SLMAP: variants seen among roughly 807,000 people sequenced by gnomAD.
SLMAP encodes the protein sarcolemmal membrane-associated protein.
SLMAP carries 44 observed loss-of-function variants against 128.8 expected under a neutral mutation model. That is an observed-to-expected ratio of 0.34 (90% CI 0.27 to 0.44). The LOEUF (loss-of-function observed/expected upper bound fraction) is 0.44. Among genes scored for constraint, SLMAP ranks in the 20% least tolerant of loss-of-function variants. The probability of loss-of-function intolerance (pLI) is 1.00; values close to 1 mark genes in which losing one functional copy is unlikely to be tolerated. For missense variants in SLMAP, 787 were observed against 985.3 expected (o/e 0.80, Z 2.69); for synonymous variants, 327 against 348.8 (o/e 0.94, Z 0.70).
At position 57,916,975 on chromosome 3, in the gene SLMAP, G is replaced by T; in HGVS notation, c.2208G>T (p.Glu736Asp). The change falls in exon 22 of 25, where the codon GAG (glutamate) becomes GAT (aspartate). Residue 736 changes from glutamate to aspartate, a missense_variant. Glu to Asp is a conservative substitution (Grantham distance 45, BLOSUM62 2). This residue lies in a region of SLMAP where 715 missense variants were observed against 843.6 expected (regional missense o/e 0.85). Transcript: ENST00000671191. ...SILQMSRKELENQVGSLKEQH... is the reference protein window; with the variant it reads ...SILQMSRKELDNQVGSLKEQH... ...TTCAAATGTCTAGGAAAGAACTTGA[G>T]AATCAAGTGGGATCCTTGAAAGAAC... is the stretch of plus-strand genomic sequence containing the variant. 1 of 1,613,678 alleles carries T rather than the reference G, an allele frequency of 6.2e-7. No individual in the cohort carries two copies. The highest frequency in any genetic ancestry group is 1.1e-5 in the South Asian group (1 of 91,080).
At position 57,928,925 on chromosome 3, in the gene SLMAP, C is replaced by T; in HGVS notation, c.*1636C>T. 6.6e-6 allele frequency: 1 copy of T among 152,566 alleles called. No homozygotes were observed. Among genetic ancestry groups the T allele is most frequent in the East Asian group, 1.9e-4 (1 of 5,200 alleles). The allele number at this position is 152,566 out of a possible 1,614,324, so 9.5% of individuals were successfully genotyped here. ...TAGTTCATTTCATCATTTTCTGTTG[C>T]AGGAAGCCACTCCACCACAGAATGC... is the stretch of plus-strand genomic sequence containing the variant. On this transcript the variant is annotated 3_prime_UTR_variant, in exon 25 of 25. Transcript: ENST00000671191.
intron 2 of SLMAP, among the ~76,000 whole-genome samples, chr3:57,820,681 G>A (rs1460943385): frequency 1.3e-5 from 2 of 152,186 alleles, no homozygotes; most frequent in Non-Finnish European, 2.9e-5. Flanking sequence ...CAGAGAGGCT[G>A]CAAAGGGCAA....
chr3:57,776,376 T>C (rs1406212017), intron 2 of SLMAP, among the ~76,000 whole-genome samples: 1 of 152,200 alleles, frequency 6.6e-6, no homozygotes, highest in Admixed American at 6.5e-5. Flanking sequence ...AGTGTGGATA[T>C]GTTTTGGGCA....
At chr3:57,881,110 C>T (rs1370783110) in intron 14 of SLMAP, among the ~76,000 whole-genome samples, 1 of 152,006 alleles carries the variant, frequency 6.6e-6, no homozygotes, top group East Asian at 1.9e-4. Flanking sequence ...AGGAGAATCA[C>T]TTGAACCCAG....
intron 2 of SLMAP, among the ~76,000 whole-genome samples, chr3:57,802,464 T>C (rs1331749087): frequency 6.6e-6 from 1 of 152,124 alleles, no homozygotes; most frequent in Non-Finnish European, 1.5e-5. Flanking sequence ...TTATTTTTAG[T>C]AGAGATGGGG....
chr3:57,912,263 T>A, intron 19 of SLMAP, 118 bp from the exon 20 acceptor site: 1 of 813,468 alleles, frequency 1.2e-6, no homozygotes, highest in Non-Finnish European at 2.0e-6. Context: ...GTGGATTGTT[T>A]ATACACTTTA....
intron 6 of SLMAP, among the ~76,000 whole-genome samples, chr3:57,851,300 C>T (rs1258272151): frequency 6.7e-6 from 1 of 150,266 alleles, no homozygotes; most frequent in Non-Finnish European, 1.5e-5. Flanking sequence ...AAGTTAATGC[C>T]ATATTTAAAG....
chr3:57,908,782 G>A (rs2096625202), intron 18 of SLMAP, among the ~76,000 whole-genome samples: 1 of 152,240 alleles, frequency 6.6e-6, no homozygotes, highest in East Asian at 1.9e-4. Flanking sequence ...AGTTCAAAAT[G>A]CTGATTAACA....
At chr3:57,821,952 C>T (rs2092561843) in intron 2 of SLMAP, among the ~76,000 whole-genome samples, 2 of 148,738 alleles carry the variant, frequency 1.3e-5, no homozygotes, top group South Asian at 4.4e-4. Context: ...TTTCTCCTTG[C>T]CTTTTCATTC....
chr3:57,766,539 A>G (rs1319243438), intron 2 of SLMAP, among the ~76,000 whole-genome samples: 2 of 152,222 alleles, frequency 1.3e-5, no homozygotes, highest in Non-Finnish European at 2.9e-5. Flanking sequence ...TCCTCTTCTC[A>G]GGTACATGCT....
Position 57,773,247 on chromosome 3 carries a change from T to C in SLMAP, c.198+15398T>C, listed in dbSNP as rs374117982. ...AGATGGTTTAGATTAAATGACAGAG[T>C]TGAACCTCAGTTAGACTGCATTTCA... On this transcript the variant is annotated intron_variant, in intron 2 of 24. Coordinates refer to ENST00000671191, the MANE Select transcript of SLMAP (RefSeq NM_001377540.1). Among the ~76,000 whole-genome samples, 48 of 152,274 alleles carry C rather than the reference T, an allele frequency of 3.2e-4. 2 individuals are homozygous for C. The South Asian group carries it at 9.5e-3, about 30-fold the overall frequency.
rs539407113 is a variant in SLMAP at position 57,844,510 on chromosome 3, A to T, written c.420-2687A>T. Reference sequence around the variant, plus strand: ...TTCTTATGGTTTGTATATGCATATGAACTTAATTCATACTTCAGAATATAC... The same window carrying T: ...TTCTTATGGTTTGTATATGCATATGTACTTAATTCATACTTCAGAATATAC... On this transcript the variant is annotated intron_variant, in intron 4 of 24. Coordinates refer to ENST00000671191, the MANE Select transcript of SLMAP (RefSeq NM_001377540.1). Among the ~76,000 whole-genome samples the T allele has an allele frequency of 3.9e-5, 6 of 152,202 alleles. No individual in the cohort carries two copies. The South Asian group carries it at 1.2e-3, about 32-fold the overall frequency.
At chr3:57,903,399 T>G (rs2096444988) in intron 17 of SLMAP, among the ~76,000 whole-genome samples, 1 of 152,224 alleles carries the variant, frequency 6.6e-6, no homozygotes, top group East Asian at 1.9e-4. Flanking sequence ...CTTCTATCAG[T>G]TGATGACATG....
intron 14 of SLMAP, among the ~76,000 whole-genome samples, chr3:57,880,955 G>C (rs2095722885): frequency 6.6e-6 from 1 of 152,120 alleles, no homozygotes; most frequent in African/African-American, 2.4e-5. Context: ...ACTTTCGGAG[G>C]CCGAGGTGGG....
intron 3 of SLMAP, among the ~76,000 whole-genome samples, chr3:57,838,612 A>C (rs17058595): frequency 0.018 from 2,775 of 151,292 alleles, 75 homozygotes; most frequent in African/African-American, 0.064. Flanking sequence ...AATGTGCTTA[A>C]TGTTTTAAGA....
In SLMAP at chr3:57,928,517, CA is replaced by C. The variant is rs1428550658; in HGVS notation, c.*1230del. ...CCCAAGATTAATAGTGTTCTATGCA[CA>C]ATGAAGCACCTAAAAACACTGCTTG... On this transcript the variant is annotated 3_prime_UTR_variant, in exon 25 of 25. Transcript: ENST00000671191. 6.6e-6 allele frequency: 1 copy of C among 152,132 alleles called. No individual in the cohort carries two copies. Among genetic ancestry groups the C allele is most frequent in the Non-Finnish European group, 1.5e-5 (1 of 68,026 alleles). The allele number at this position is 152,132 out of a possible 1,614,324, so 9.4% of individuals were successfully genotyped here.
At chr3:57,781,755 T>TG (rs1294522792) in intron 2 of SLMAP, among the ~76,000 whole-genome samples, 2 of 114,200 alleles carry the variant, frequency 1.8e-5, no homozygotes, top group Non-Finnish European at 3.5e-5. Flanking sequence ...TTTTTTGAGA[T>TG]GGAGTTTCAC....
intron 6 of SLMAP, among the ~76,000 whole-genome samples, chr3:57,856,058 A>G (rs2094771675): frequency 6.6e-6 from 1 of 151,826 alleles, no homozygotes; most frequent in African/African-American, 2.4e-5. Flanking sequence ...AAGAAAAAAA[A>G]AAAAATTAAC....
At chr3:57,898,741 C>G (rs968574494) in intron 17 of SLMAP, 3 of 152,172 alleles carry the variant, frequency 2.0e-5, no homozygotes, top group Non-Finnish European at 4.4e-5. Context: ...TATAAAGACA[C>G]AAGAGCATTA....
Sources: allele counts gnomAD v4.1 joint callset (sites outside exome capture counted in the v4.1 genomes callset), GRCh38; gene constraint gnomAD v4.1.1; regional missense constraint gnomAD v4.1.1; transcripts MANE v1.5; gene names NCBI Gene and HGNC (gene_info 2026-07-23, HGNC 2026-07-21).